OSBPL1A: variants seen among roughly 807,000 people sequenced by gnomAD.
OSBPL1A encodes oxysterol binding protein like 1A, also known as oxysterol-binding protein-related protein 1.
Under a neutral mutation model 137.1 loss-of-function variants are expected in OSBPL1A, and 80 were observed. The observed-to-expected ratio is 0.58, with a 90% CI of 0.49 to 0.70. The LOEUF (loss-of-function observed/expected upper bound fraction) is 0.70, where lower values mean the gene tolerates loss of function less well. Ranked by LOEUF, OSBPL1A falls within the 30% of genes least tolerant of loss-of-function variation. OSBPL1A has a pLI of 0.00. For missense variants in OSBPL1A, 970 were observed against 1,129.4 expected (o/e 0.86, Z 2.02); for synonymous variants, 365 against 389.7 (o/e 0.94, Z 0.75).
intron 1 of OSBPL1A, among the ~76,000 whole-genome samples, chr18:24,392,979 C>T (rs77060147): frequency 4.6e-5 from 7 of 152,302 alleles, no homozygotes; most frequent in Admixed American, 4.6e-4. Flanking sequence ...CATGAGCCAC[C>T]TCGCCCAGCC....
intron 13 of OSBPL1A, among the ~76,000 whole-genome samples, chr18:24,309,931 C>G (rs1466075817): frequency 4.0e-5 from 6 of 151,606 alleles, no homozygotes. Flanking sequence ...CCTGTAATCC[C>G]AGCTACTCAG....
chr18:24,345,160 CT>C (rs1316935831), intron 4 of OSBPL1A, among the ~76,000 whole-genome samples: 1 of 151,762 alleles, frequency 6.6e-6, no homozygotes, highest in Non-Finnish European at 1.5e-5. Flanking sequence ...AAAAGAACAT[CT>C]ATAATGAAGG....
intron 18 of OSBPL1A, chr18:24,195,903 GTTTGT>G (rs772967284): frequency 8.5e-5 from 41 of 481,780 alleles, no homozygotes; most frequent in Non-Finnish European, 8.6e-5. Context: ...TTCAGTTTCT[GTTTGT>G]TTTTTTTTTT....
chr18:24,180,072 A>T (rs1335837856), intron 19 of OSBPL1A, among the ~76,000 whole-genome samples: 1 of 152,208 alleles, frequency 6.6e-6, no homozygotes, highest in Non-Finnish European at 1.5e-5. Context: ...TCACACTCTA[A>T]CAGTGCTACA....
At chr18:24,353,384 C>G (rs1308209475) in intron 4 of OSBPL1A, among the ~76,000 whole-genome samples, 18 of 152,158 alleles carry the variant, frequency 1.2e-4, no homozygotes, top group South Asian at 8.3e-4. Flanking sequence ...TCTCACACCA[C>G]TTAGAATGGC....
intron 22 of OSBPL1A, 109 bp from the exon 23 acceptor site, chr18:24,171,607 T>C: frequency 1.2e-6 from 1 of 816,884 alleles, no homozygotes; most frequent in Non-Finnish European, 2.0e-6. Flanking sequence ...GGATTTTCTC[T>C]GTGTGCCAGG....
At chr18:24,300,445 CAAAAAA>C (rs940820871) in intron 14 of OSBPL1A, among the ~76,000 whole-genome samples, 1 of 152,258 alleles carries the variant, frequency 6.6e-6, no homozygotes, top group African/African-American at 2.4e-5. Context: ...AGTACCTTTA[CAAAAAA>C]TTAATCTGGC....
At chr18:24,250,387 G>A (rs1199948282) in intron 15 of OSBPL1A, among the ~76,000 whole-genome samples, 1 of 152,108 alleles carries the variant, frequency 6.6e-6, no homozygotes, top group Non-Finnish European at 1.5e-5. Context: ...TGTTGGCCAG[G>A]CTGGTCTCGA....
chr18:24,201,203 C>T (rs780529686), intron 17 of OSBPL1A, among the ~76,000 whole-genome samples: 32 of 152,144 alleles, frequency 2.1e-4, no homozygotes, highest in Admixed American at 7.9e-4. Context: ...GATGACATTA[C>T]GACTATCTAG....
At chr18:24,393,545 C>T (rs1291679881) in intron 1 of OSBPL1A, among the ~76,000 whole-genome samples, 6 of 152,118 alleles carry the variant, frequency 3.9e-5, no homozygotes, top group South Asian at 2.1e-4. Flanking sequence ...CTCCTCTTCC[C>T]GGGTTCACAC....
chr18:24,385,066 T>C (rs959105181), intron 1 of OSBPL1A, among the ~76,000 whole-genome samples: 7 of 151,508 alleles, frequency 4.6e-5, no homozygotes, highest in East Asian at 4.0e-4. Context: ...GCCATTCTCC[T>C]GCCTCAGCCT....
At chr18:24,242,460 A>G (rs1054132457) in intron 15 of OSBPL1A, among the ~76,000 whole-genome samples, 3 of 151,798 alleles carry the variant, frequency 2.0e-5, no homozygotes, top group African/African-American at 7.3e-5. Flanking sequence ...ATCCTGCATT[A>G]CTCACTGCCA....
At chr18:24,233,449 C>T (rs774195485) in intron 16 of OSBPL1A, among the ~76,000 whole-genome samples, 2 of 152,258 alleles carry the variant, frequency 1.3e-5, no homozygotes, top group Middle Eastern at 3.4e-3. Context: ...CATAAAATCA[C>T]CATGCATTCC....
At chr18:24,281,364 G>T (rs939932720) in intron 14 of OSBPL1A, among the ~76,000 whole-genome samples, 7 of 151,100 alleles carry the variant, frequency 4.6e-5, no homozygotes, top group Non-Finnish European at 1.0e-4. Context: ...GATTACAGGC[G>T]TGAGTCACCG....
intron 1 of OSBPL1A, among the ~76,000 whole-genome samples, chr18:24,394,449 C>A (rs543561978): frequency 2.0e-5 from 3 of 152,120 alleles, no homozygotes; most frequent in African/African-American, 7.2e-5. Context: ...CCTAGATGCA[C>A]CCCTGATTTG....
intron 4 of OSBPL1A, among the ~76,000 whole-genome samples, chr18:24,364,118 G>A (rs979421114): frequency 3.9e-5 from 6 of 152,198 alleles, no homozygotes; most frequent in African/African-American, 1.2e-4. Flanking sequence ...GGATGTCTTT[G>A]GAGGGCCATG....
rs11876998 is a variant in OSBPL1A, at chr18:24,235,550, T to C, written c.1444+3670A>G. On this transcript the variant is annotated intron_variant, in intron 16 of 27. Transcript: ENST00000319481. ...GCAGAATGGCCAGGCCTCGATTCTA[T>C]GTCTCATGGAAATGTCACGAATCAC... Among the ~76,000 whole-genome samples the C allele has an allele frequency of 8.9e-3, 1,360 of 152,354 alleles. 23 individuals carry two copies. Among genetic ancestry groups the C allele is most frequent in the African/African-American group, 0.032 (1,311 of 41,580 alleles).
intron 12 of OSBPL1A, among the ~76,000 whole-genome samples, chr18:24,312,623 T>C (rs1319431246): frequency 6.6e-6 from 1 of 152,194 alleles, no homozygotes; most frequent in Non-Finnish European, 1.5e-5. Context: ...AAAGAATGTT[T>C]GGCCTAAAAA....
At chr18:24,351,351 A>AAAAAAAAAAAAAAAAAAAAAAAG in intron 4 of OSBPL1A, among the ~76,000 whole-genome samples, 1 of 147,600 alleles carries the variant, frequency 6.8e-6, no homozygotes, top group African/African-American at 2.5e-5. Context: ...CTGTCTCAAA[A>AAAAAAAAAAAAAAAAAAAAAAAG]AAAAAAAAAA....
Sources: allele counts gnomAD v4.1 joint callset (sites outside exome capture counted in the v4.1 genomes callset), GRCh38; gene constraint gnomAD v4.1.1; transcripts MANE v1.5; gene names NCBI Gene and HGNC (gene_info 2026-07-23, HGNC 2026-07-21).